CHST3: variants seen among roughly 807,000 people sequenced by gnomAD.
The protein encoded by CHST3 is carbohydrate sulfotransferase 3.
A neutral mutation model predicts 35.4 loss-of-function variants in CHST3; 20 were observed. That is an observed-to-expected ratio of 0.57 (90% CI 0.40 to 0.82). The LOEUF (loss-of-function observed/expected upper bound fraction) is 0.82, where lower values mean the gene tolerates loss of function less well. CHST3 is among the 40% of genes least tolerant of loss of function. The pLI, the probability that CHST3 is intolerant of heterozygous loss-of-function variation, is 0.00. For missense variants in CHST3, 693 were observed against 670.1 expected, an observed-to-expected ratio of 1.03 and a Z score of -0.38; for synonymous variants, 334 against 295.9, an observed-to-expected ratio of 1.13 and a Z score of -1.32.
At chr10:71,992,146 G>A (rs748159407) in intron 1 of CHST3, among the ~76,000 whole-genome samples, 4 of 152,058 alleles carry the variant, frequency 2.6e-5, no homozygotes, top group Non-Finnish European at 4.4e-5. Context: ...GAGTAGGGTG[G>A]CTATGGCAAT....
Position 71,964,399 on chromosome 10 carries a change from G to A in CHST3, c.-403G>A. On this transcript the variant is annotated 5_prime_UTR_variant, in exon 1 of 3. Coordinates refer to ENST00000373115, the MANE Select transcript of CHST3 (RefSeq NM_004273.5). ...GCGGTTCAGGAATCCGCCGCCGCTA[G>A]CCGGCTCGGGCCTGAGCGGGGAGGG... The A allele has an allele frequency of 6.6e-6, 1 of 152,552 alleles. No homozygotes were observed. Among genetic ancestry groups the A allele is most frequent in the Non-Finnish European group, 1.5e-5 (1 of 68,202 alleles). The allele number at this position is 152,552 out of a possible 1,614,324, so 9.4% of individuals were successfully genotyped here.
At chr10:71,995,421 CA>C (rs35954993) in intron 1 of CHST3, among the ~76,000 whole-genome samples, 31,024 of 120,050 alleles carry the variant, frequency 0.26, 5,461 homozygotes, top group African/African-American at 0.56. Flanking sequence ...GAGTCTGTCT[CA>C]AAAAAAAAAA....
In CHST3 at chr10:72,011,726, A is replaced by G. The variant is rs1840112314; in HGVS notation, c.*3255A>G. 1.3e-5 allele frequency: 2 copies of G among 152,252 alleles called. No individual in the cohort carries two copies. The highest frequency in any genetic ancestry group is 4.8e-5 in the African/African-American group (2 of 41,460). The allele number at this position is 152,252 out of a possible 1,614,324, so 9.4% of individuals were successfully genotyped here. On this transcript the variant is annotated 3_prime_UTR_variant, in exon 3 of 3. Transcript: ENST00000373115. ...GTTGATGAGTTCTGCGGCCCAGCAT[A>G]TAGAAATGGCTCAGAACGTTCCAGG... is the stretch of plus-strand genomic sequence containing the variant.
intron 1 of CHST3, among the ~76,000 whole-genome samples, chr10:71,985,614 C>G (rs1027338570): frequency 1.3e-5 from 2 of 152,206 alleles, no homozygotes; most frequent in African/African-American, 4.8e-5. Context: ...TTCCAACTTG[C>G]AAAGATCTCT....
intron 1 of CHST3, among the ~76,000 whole-genome samples, chr10:71,984,525 ACTCTGAT>A (rs1839829165): frequency 6.6e-6 from 1 of 151,964 alleles, no homozygotes; most frequent in Non-Finnish European, 1.5e-5. Flanking sequence ...CCTGACTAGG[ACTCTGAT>A]CTGTCCACTG....
At chr10:71,983,743 G>A (rs1839822088) in intron 1 of CHST3, among the ~76,000 whole-genome samples, 1 of 151,982 alleles carries the variant, frequency 6.6e-6, no homozygotes, top group Admixed American at 6.6e-5. Context: ...GAGCCACTGC[G>A]CCTGCCCAAG....
In CHST3 at chr10:72,008,005, T is replaced by A; in HGVS notation, c.974T>A (p.Leu325Gln). Residue 325 changes from leucine to glutamine, a missense_variant, in exon 3 of 3, where the codon CTG (leucine) becomes CAG (glutamine). By Grantham distance (113) the Leu-to-Gln change is moderately radical. Transcript: ENST00000373115. Reference sequence around the variant, plus strand: ...AAGTATAAGACCTGGAAGAAGTGGCTGGACGACGAGGGCCAGGACGGCCTG... The same window carrying A: ...AAGTATAAGACCTGGAAGAAGTGGCAGGACGACGAGGGCCAGGACGGCCTG... ...AGKYKTWKKW[L>Q]DDEGQDGLRE... 6.5e-7 allele frequency: 1 copy of A among 1,549,480 alleles called. No homozygotes were observed. Among genetic ancestry groups the A allele is most frequent in the East Asian group, 2.4e-5 (1 of 40,874 alleles).
chr10:71,992,069 C>T (rs550481454), intron 1 of CHST3, among the ~76,000 whole-genome samples: 11 of 152,272 alleles, frequency 7.2e-5, no homozygotes, highest in East Asian at 1.9e-4. Flanking sequence ...CTTTAGCAAG[C>T]GACTTGTAGT....
intron 1 of CHST3, among the ~76,000 whole-genome samples, chr10:71,967,423 G>A (rs1486197405): frequency 6.6e-6 from 1 of 152,176 alleles, no homozygotes; most frequent in Non-Finnish European, 1.5e-5. Context: ...AGAGCATGGG[G>A]CACTTGATTT....
intron 1 of CHST3, among the ~76,000 whole-genome samples, chr10:71,995,275 A>G (rs1839928848): frequency 6.6e-6 from 1 of 152,006 alleles, no homozygotes; most frequent in Admixed American, 6.5e-5. Context: ...AAATACAAAA[A>G]TTAGCCTGGT....
intron 1 of CHST3, among the ~76,000 whole-genome samples, chr10:71,983,757 A>G (rs957304033): frequency 7.9e-5 from 12 of 151,970 alleles, no homozygotes; most frequent in African/African-American, 2.9e-4. Flanking sequence ...GCCCAAGACC[A>G]TGCATATTTT....
rs1211318485 is a variant in CHST3, at chr10:72,007,843, C to T, written c.812C>T (p.Ala271Val). 4 of 1,604,804 alleles carry T rather than the reference C, an allele frequency of 2.5e-6. No homozygotes were observed. Among genetic ancestry groups the T allele is most frequent in the Non-Finnish European group, 3.4e-6 (4 of 1,178,670 alleles). Residue 271 changes from alanine (A) to valine (V), a missense_variant, in exon 3 of 3, where the codon GCC becomes GTC. Ala to Val is a moderately conservative substitution (Grantham distance 64). Transcript: ENST00000373115. ...AEACRRKEHMALKAVRIRQLE... is the reference protein window; with the variant it reads ...AEACRRKEHMVLKAVRIRQLE... ...GCCTGCCGCCGCAAGGAGCACATGG[C>T]CCTCAAGGCGGTGCGCATCCGGCAG...
chr10:72,007,276 A>G lies in CHST3; in HGVS notation c.245A>G (p.Glu82Gly). The G allele has an allele frequency of 6.2e-7, 1 of 1,614,090 alleles. No individual in the cohort carries two copies. The highest frequency in any genetic ancestry group is 8.5e-7 in the Non-Finnish European group (1 of 1,180,004). ...AACGCATCTCTCTTGTCCCTGAGCG[A>G]GCTCGATTCAGCCTTCTCCCAGCTT... ...AENASLLSLS[E>G]LDSAFSQLQS... is the part of the protein sequence containing the mutation. The change falls in exon 3 of 3, where the codon GAG (glutamate) becomes GGG (glycine). Residue 82 changes from glutamate to glycine, a missense_variant. Glu to Gly is a moderately conservative substitution (Grantham distance 98). Transcript: ENST00000373115.
intron 1 of CHST3, among the ~76,000 whole-genome samples, chr10:72,002,960 A>G (rs1589507328): frequency 6.6e-6 from 1 of 152,282 alleles, no homozygotes; most frequent in African/African-American, 2.4e-5. Context: ...AAGCCCCACC[A>G]TAGGAGCTAG....
chr10:71,969,243 G>A (rs1348770126), intron 1 of CHST3, among the ~76,000 whole-genome samples: 1 of 152,232 alleles, frequency 6.6e-6, no homozygotes, highest in East Asian at 1.9e-4. Flanking sequence ...CAGGGAGACA[G>A]CAATTATCTG....
chr10:72,006,699 T>C (rs950373676), intron 2 of CHST3, among the ~76,000 whole-genome samples: 1 of 152,186 alleles, frequency 6.6e-6, no homozygotes, highest in Admixed American at 6.5e-5. Context: ...AAGAAAGCAT[T>C]AGCTAAGATG....
chr10:71,970,578 G>A (rs992627645), intron 1 of CHST3, among the ~76,000 whole-genome samples: 33 of 152,172 alleles, frequency 2.2e-4, no homozygotes, highest in African/African-American at 7.7e-4. Context: ...CTGCAGGGAC[G>A]CTGGTGGCTG....
chr10:71,985,013 C>G (rs1210629654), intron 1 of CHST3, among the ~76,000 whole-genome samples: 2 of 152,264 alleles, frequency 1.3e-5, no homozygotes, highest in Non-Finnish European at 2.9e-5. Flanking sequence ...TCTTCTCCTC[C>G]TTCCTGCCGC....
rs1445605642 is a variant in CHST3 at position 72,008,645 on chromosome 10, C to T, written c.*174C>T. On this transcript the variant is annotated 3_prime_UTR_variant, in exon 3 of 3. Coordinates refer to ENST00000373115, the MANE Select transcript of CHST3 (RefSeq NM_004273.5). ...CGGCCCCAGGGTTAATTGCGGAGAA[C>T]AGGACAGTGCCCGGTCCCCTTGAGG... The T allele has an allele frequency of 7.5e-7, 1 of 1,328,124 alleles. No homozygotes were observed. The highest frequency in any genetic ancestry group is 9.9e-7 in the Non-Finnish European group (1 of 1,006,924). 82.3% of individuals were successfully genotyped at this position (1,328,124 alleles called of 1,614,324 possible).
Sources: gnomAD v4.1 joint callset for allele counts (sites outside exome capture counted in the v4.1 genomes callset) on GRCh38, gnomAD v4.1.1 for gene constraint, MANE v1.5 for transcripts, NCBI Gene and HGNC (gene_info 2026-07-23, HGNC 2026-07-21) for gene names.